APBB2: variants seen among roughly 807,000 people sequenced by gnomAD.
The protein encoded by APBB2 is amyloid beta precursor protein binding family B member 2.
Under a neutral mutation model 82.5 loss-of-function variants are expected in APBB2, and 38 were observed. The observed-to-expected ratio is 0.46, with a 90% CI of 0.36 to 0.60. The LOEUF is 0.60. Ranked by LOEUF, APBB2 falls within the 20% of genes least tolerant of loss-of-function variation. APBB2 has a pLI of 0.00. For missense variants in APBB2, 772 were observed against 972.3 expected, an observed-to-expected ratio of 0.79 and a Z score of 2.74; for synonymous variants, 341 against 368.2, an observed-to-expected ratio of 0.93 and a Z score of 0.85.
intron 4 of APBB2, among the ~76,000 whole-genome samples, chr4:41,050,269 T>C (rs1191564113): frequency 6.6e-6 from 1 of 152,226 alleles, no homozygotes; most frequent in Non-Finnish European, 1.5e-5. Flanking sequence ...CAGAAACTTT[T>C]AATTAGACAG....
At chr4:41,012,400 C>T (rs1399524941) in intron 6 of APBB2, among the ~76,000 whole-genome samples, 1 of 152,122 alleles carries the variant, frequency 6.6e-6, no homozygotes, top group Non-Finnish European at 1.5e-5. Flanking sequence ...GGATAGAGAG[C>T]TGTGAACTCA....
intron 3 of APBB2, among the ~76,000 whole-genome samples, chr4:41,098,591 C>A (rs1469695315): frequency 6.6e-6 from 1 of 152,158 alleles, no homozygotes; most frequent in Non-Finnish European, 1.5e-5. Flanking sequence ...TGCCTTCCCT[C>A]TATAAAATCA....
At chr4:41,047,408 T>TA (rs2154455047) in intron 4 of APBB2, among the ~76,000 whole-genome samples, 1 of 152,372 alleles carries the variant, frequency 6.6e-6, no homozygotes, top group South Asian at 2.1e-4. Context: ...TGCCCCCAAA[T>TA]ATTGCCACTT....
chr4:41,015,788 C>T (rs1301991681), intron 5 of APBB2, among the ~76,000 whole-genome samples: 1 of 152,184 alleles, frequency 6.6e-6, no homozygotes, highest in Non-Finnish European at 1.5e-5. Context: ...TCTCACCTAG[C>T]ACCTCACCTT....
chr4:41,157,519 TGA>T (rs1306005182), intron 1 of APBB2, among the ~76,000 whole-genome samples: 27 of 152,108 alleles, frequency 1.8e-4, no homozygotes, highest in Non-Finnish European at 3.4e-4. Flanking sequence ...TGAGCAAATA[TGA>T]GAGATGGAAT....
intron 12 of APBB2, among the ~76,000 whole-genome samples, chr4:40,853,616 AT>A (rs879510474): frequency 1.1e-3 from 165 of 145,336 alleles, no homozygotes; most frequent in Admixed American, 2.1e-3. Flanking sequence ...TGTCTGGCTA[AT>A]TTTTTTTTTT....
intron 1 of APBB2, among the ~76,000 whole-genome samples, chr4:41,151,631 T>G (rs57853594): frequency 1.4e-5 from 2 of 141,720 alleles, no homozygotes; most frequent in South Asian, 2.2e-4. Flanking sequence ...CAGCTTTTTT[T>G]GACATACAAT....
chr4:41,175,665 G>T (rs1769567898), intron 1 of APBB2, among the ~76,000 whole-genome samples: 1 of 152,010 alleles, frequency 6.6e-6, no homozygotes, highest in Non-Finnish European at 1.5e-5. Flanking sequence ...AATATTCAGA[G>T]AAATGAATGT....
At chr4:41,117,699 C>T (rs1259225121) in intron 2 of APBB2, among the ~76,000 whole-genome samples, 4 of 152,162 alleles carry the variant, frequency 2.6e-5, no homozygotes, top group African/African-American at 7.2e-5. Context: ...TTCATTCCCA[C>T]TCAGCCCCAT....
intron 10 of APBB2, among the ~76,000 whole-genome samples, chr4:40,897,827 A>G (rs1227885544): frequency 6.6e-6 from 1 of 152,124 alleles, no homozygotes; most frequent in South Asian, 2.1e-4. Flanking sequence ...ACTTTCCCTT[A>G]AACCCAGGAA....
intron 1 of APBB2, among the ~76,000 whole-genome samples, chr4:41,182,718 G>C (rs926625568): frequency 1.3e-5 from 2 of 152,146 alleles, no homozygotes; most frequent in Non-Finnish European, 2.9e-5. Context: ...AAGGTGAAGG[G>C]GAAGCAAGGC....
At chr4:40,938,847 C>A (rs1014819760) in intron 7 of APBB2, among the ~76,000 whole-genome samples, 3 of 152,218 alleles carry the variant, frequency 2.0e-5, no homozygotes, top group Non-Finnish European at 4.4e-5. Flanking sequence ...TGTCTGTCCA[C>A]TACAAAACTC....
chr4:41,200,602 A>G (rs750940168), intron 1 of APBB2, among the ~76,000 whole-genome samples: 23 of 152,252 alleles, frequency 1.5e-4, no homozygotes, highest in Non-Finnish European at 2.8e-4. Context: ...AGAATGCTCA[A>G]TGATTTGAGA....
chr4:41,153,140 T>C (rs758038171), intron 1 of APBB2, among the ~76,000 whole-genome samples: 8 of 152,176 alleles, frequency 5.3e-5, no homozygotes, highest in Admixed American at 1.3e-4. Flanking sequence ...ACCTGTAGCA[T>C]TTGCTCTTCA....
rs1751573463 is a variant in APBB2 at position 41,117,906 on chromosome 4, G to T, written c.-260-17156C>A. On this transcript the variant is annotated intron_variant, in intron 2 of 17. Coordinates refer to ENST00000508593, the MANE Select transcript of APBB2 (RefSeq NM_004307.2). ...TGAAAAAGGACAGTATTTGACTCAG[G>T]TCAAAACTAAGGAAATCTAGCTGAG... Among the ~76,000 whole-genome samples the T allele has an allele frequency of 2.0e-5, 3 of 152,262 alleles. No individual in the cohort carries two copies. The South Asian group carries it at 6.2e-4, about 32-fold the overall frequency.
At chr4:40,935,207 A>G (rs1560323513) in intron 7 of APBB2, 68 bp from the exon 8 acceptor site, 5 of 1,149,920 alleles carry the variant, frequency 4.3e-6, no homozygotes, top group Non-Finnish European at 6.1e-6. Flanking sequence ...GAAAAGAAAA[A>G]AAAAAAACAC....
chr4:41,018,798 A>G (rs1278014940), intron 5 of APBB2, among the ~76,000 whole-genome samples: 2 of 152,214 alleles, frequency 1.3e-5, no homozygotes, highest in East Asian at 1.9e-4. Context: ...TTTTAGGCTC[A>G]TTCTCTGGCC....
intron 12 of APBB2, among the ~76,000 whole-genome samples, chr4:40,853,445 A>C (rs1437960781): frequency 2.7e-5 from 4 of 148,924 alleles, no homozygotes; most frequent in Admixed American, 2.7e-4. Context: ...CCACTTCCTC[A>C]GTGCTTTCCT....
chr4:41,131,481 A>T (rs1056852243), intron 2 of APBB2, among the ~76,000 whole-genome samples: 2 of 152,178 alleles, frequency 1.3e-5, no homozygotes, highest in African/African-American at 4.8e-5. Flanking sequence ...ATACATAGAT[A>T]TGTATTTTAG....
Sources: gnomAD v4.1 joint callset for allele counts (sites outside exome capture counted in the v4.1 genomes callset) on GRCh38, gnomAD v4.1.1 for gene constraint, MANE v1.5 for transcripts, NCBI Gene and HGNC (gene_info 2026-07-23, HGNC 2026-07-21) for gene names.